Variants in DPP10 observed in about 807,000 individuals in gnomAD.
The protein encoded by DPP10 is inactive dipeptidyl peptidase 10.
DPP10 carries 33 observed loss-of-function variants against 120.9 expected under a neutral mutation model. The ratio of observed to expected loss-of-function variants is 0.27; its 90% confidence interval spans 0.21 to 0.37. The LOEUF is 0.37. Among genes scored for constraint, DPP10 ranks in the 10% least tolerant of loss-of-function variants. DPP10 has a pLI of 1.00. For synonymous variants in DPP10, 337 were observed against 326.1 expected, an observed-to-expected ratio of 1.03 and a Z score of -0.36; for missense variants, 816 against 942.8, an observed-to-expected ratio of 0.87 and a Z score of 1.76.
At chr2:115,249,485 A>G (rs896154640) in intron 1 of DPP10, among the ~76,000 whole-genome samples, 1 of 152,164 alleles carries the variant, frequency 6.6e-6, no homozygotes, top group Non-Finnish European at 1.5e-5. Context: ...ATTTTATGAA[A>G]GAAGTTAAGA....
chr2:115,835,276 A>G (rs1367540616), intron 21 of DPP10, among the ~76,000 whole-genome samples: 1 of 152,162 alleles, frequency 6.6e-6, no homozygotes, highest in Non-Finnish European at 1.5e-5. Flanking sequence ...TGCAAACACT[A>G]CCATTCTCTG....
chr2:114,475,419 T>C (rs1371098991), intron 1 of DPP10, among the ~76,000 whole-genome samples: 2 of 152,186 alleles, frequency 1.3e-5, no homozygotes, highest in African/African-American at 4.8e-5. Context: ...GCTTTGTCAT[T>C]TTGCAAAAAT....
At chr2:114,574,985 C>CA (rs1374900920) in intron 1 of DPP10, among the ~76,000 whole-genome samples, 1 of 152,136 alleles carries the variant, frequency 6.6e-6, no homozygotes, top group East Asian at 1.9e-4. Context: ...GAATAGTTCT[C>CA]ACTCCTCAAA....
intron 3 of DPP10, among the ~76,000 whole-genome samples, chr2:115,377,528 T>C (rs2065908261): frequency 6.6e-6 from 1 of 152,164 alleles, no homozygotes; most frequent in South Asian, 2.1e-4. Flanking sequence ...TGGTAGTTTC[T>C]TTTGCTGTGA....
At chr2:115,335,244 T>C (rs1166369741) in intron 2 of DPP10, among the ~76,000 whole-genome samples, 16 of 151,994 alleles carry the variant, frequency 1.1e-4, no homozygotes, top group Non-Finnish European at 1.5e-5. Flanking sequence ...TCTCATGACA[T>C]GTGGGAATTG....
chr2:114,602,600 C>G (rs1222932570), intron 1 of DPP10, among the ~76,000 whole-genome samples: 1 of 151,876 alleles, frequency 6.6e-6, no homozygotes, highest in Non-Finnish European at 1.5e-5. Context: ...CCACAAGTGT[C>G]CAGTAGGCTG....
At chr2:115,459,217 C>A (rs966651837) in intron 3 of DPP10, among the ~76,000 whole-genome samples, 8 of 151,592 alleles carry the variant, frequency 5.3e-5, no homozygotes, top group African/African-American at 1.9e-4. Flanking sequence ...AGTGCAGTGG[C>A]ACAATGTGGT....
rs568621321 is a variant in DPP10 at position 115,562,965 on chromosome 2, G to T, written c.441+36993G>T. On this transcript the variant is annotated intron_variant, in intron 5 of 25. Transcript: ENST00000410059. ...CGGTCAGGAAAGTTTGAAGCCAGTTGGCTATCTTTCTTTCTATATGACAGT... is the reference window on the plus strand; with the variant it reads ...CGGTCAGGAAAGTTTGAAGCCAGTTTGCTATCTTTCTTTCTATATGACAGT... Among the ~76,000 whole-genome samples, 4 of 152,254 alleles carry T rather than the reference G, an allele frequency of 2.6e-5. No homozygotes were observed. The East Asian group carries it at 7.7e-4, about 29-fold the overall frequency.
At chr2:114,777,376 A>T (rs1399525370) in intron 1 of DPP10, among the ~76,000 whole-genome samples, 1 of 152,112 alleles carries the variant, frequency 6.6e-6, no homozygotes, top group Non-Finnish European at 1.5e-5. Context: ...TATATTACCC[A>T]CATACATTTC....
At chr2:115,600,055 T>G (rs1029383648) in intron 5 of DPP10, among the ~76,000 whole-genome samples, 4 of 152,072 alleles carry the variant, frequency 2.6e-5, no homozygotes, top group African/African-American at 4.8e-5. Context: ...CACCTGTTTT[T>G]TTTGTTTGTT....
chr2:115,604,875 T>C (rs540206573), intron 5 of DPP10, among the ~76,000 whole-genome samples: 1 of 152,304 alleles, frequency 6.6e-6, no homozygotes, highest in Non-Finnish European at 1.5e-5. Flanking sequence ...TTTCTTCTCT[T>C]GTACTTACCA....
intron 1 of DPP10, among the ~76,000 whole-genome samples, chr2:114,480,187 A>T (rs1680896984): frequency 6.6e-6 from 1 of 151,300 alleles, no homozygotes; most frequent in South Asian, 2.1e-4. Flanking sequence ...AATGGCAATC[A>T]TTAAAAAGTC....
At chr2:115,770,421 C>A (rs974961233) in intron 13 of DPP10, among the ~76,000 whole-genome samples, 8 of 152,026 alleles carry the variant, frequency 5.3e-5, no homozygotes, top group Non-Finnish European at 7.4e-5. Context: ...TATAACACAG[C>A]CTTCATTGAA....
chr2:115,323,448 A>G (rs943597150), intron 2 of DPP10, among the ~76,000 whole-genome samples: 1 of 152,204 alleles, frequency 6.6e-6, no homozygotes, highest in South Asian at 2.1e-4. Context: ...ACTGATTGGA[A>G]TCAGCTTCTT....
chr2:115,725,311 G>T (rs186530799), intron 7 of DPP10, among the ~76,000 whole-genome samples: 234 of 152,188 alleles, frequency 1.5e-3, no homozygotes, highest in African/African-American at 5.3e-3. Context: ...AATTATTTTT[G>T]AAACAAATAC....
At position 115,370,414 on chromosome 2, in the gene DPP10, A is replaced by T. The variant is rs538147669; in HGVS notation, c.271+26502A>T. 3.9e-5 allele frequency among the ~76,000 whole-genome samples: 6 copies of T among 152,226 alleles called. No individual in the cohort carries two copies. The South Asian group carries it at 1.2e-3, about 32-fold the overall frequency. ...TGATCTCGAAAGCTGTAGTGTATGT[A>T]TGAGGATTTGTAGAGAAGTAGAAAA... is the stretch of plus-strand genomic sequence containing the variant. On this transcript the variant is annotated intron_variant, in intron 3 of 25. Transcript: ENST00000410059.
intron 1 of DPP10, among the ~76,000 whole-genome samples, chr2:114,741,264 T>C (rs2105988115): frequency 6.6e-6 from 1 of 152,312 alleles, no homozygotes; most frequent in East Asian, 1.9e-4. Flanking sequence ...GGAGAATATC[T>C]GCCTATCAGA....
At chr2:115,315,485 C>A (rs1161130693) in intron 2 of DPP10, among the ~76,000 whole-genome samples, 1 of 152,124 alleles carries the variant, frequency 6.6e-6, no homozygotes, top group East Asian at 1.9e-4. Flanking sequence ...TACTATATTG[C>A]AGACAATATC....
At chr2:115,591,484 T>G (rs969056629) in intron 5 of DPP10, among the ~76,000 whole-genome samples, 2 of 152,234 alleles carry the variant, frequency 1.3e-5, no homozygotes, top group African/African-American at 4.8e-5. Flanking sequence ...GTATTATTTC[T>G]GCAGACTCTG....
Sources: gnomAD v4.1 joint callset for allele counts (sites outside exome capture counted in the v4.1 genomes callset) on GRCh38, gnomAD v4.1.1 for gene constraint, MANE v1.5 for transcripts, NCBI Gene and HGNC (gene_info 2026-07-23, HGNC 2026-07-21) for gene names.